Variants in CACNA1A observed in about 807,000 individuals in gnomAD.
The protein encoded by CACNA1A is calcium voltage-gated channel subunit alpha1 A, also known as voltage-dependent P/Q-type calcium channel subunit alpha-1A.
In CACNA1A, 57 loss-of-function variants were observed where a neutral mutation model predicts 262.4. That is an observed-to-expected ratio of 0.22 (90% CI 0.18 to 0.27). The LOEUF (loss-of-function observed/expected upper bound fraction) is 0.27. CACNA1A is among the 10% of genes least tolerant of loss of function. The pLI, the probability that CACNA1A is intolerant of heterozygous loss-of-function variation, is 1.00. For missense variants in CACNA1A, 2,526 were observed against 3,562.8 expected (o/e 0.71, Z 7.41); for synonymous variants, 1,431 against 1,419.3 (o/e 1.01, Z -0.18).
Position 13,312,709 on chromosome 19 carries a change from C to T in CACNA1A, c.1628G>A (p.Arg543Gln), listed in dbSNP as rs760366437. The T allele has an allele frequency of 7.5e-6, 12 of 1,594,432 alleles. No homozygotes were observed. Among genetic ancestry groups the T allele is most frequent in the South Asian group, 5.7e-5 (5 of 87,012 alleles). Residue 543 changes from arginine (R) to glutamine (Q), a missense_variant, in exon 12 of 47, where the codon CGG becomes CAG. Coordinates refer to ENST00000360228, the MANE Select transcript of CACNA1A (RefSeq NM_001127222.2). ...MFIKMYGLGT[R>Q]PYFHSSFNCF... ...GTTGAAGGAAGAGTGGAAGTAAGGC[C>T]GCGTCCCAAGCCCGTACATTTTTAT...
chr19:13,369,223 T>C (rs2059274958), intron 4 of CACNA1A, among the ~76,000 whole-genome samples: 1 of 152,068 alleles, frequency 6.6e-6, no homozygotes, highest in Non-Finnish European at 1.5e-5. Context: ...CTTAGTAGAA[T>C]TGCCCTTGGT....
In CACNA1A at chr19:13,347,937, T is replaced by C. The variant is rs998603220; in HGVS notation, c.978+11669A>G. On this transcript the variant is annotated intron_variant, in intron 6 of 46. Coordinates refer to ENST00000360228, the MANE Select transcript of CACNA1A (RefSeq NM_001127222.2). ...TTTATTTTTAATTATTAGGTTTTTTTTGAGACAGGGTCTGGTTCTGTCACC... is the reference window on the plus strand; with the variant it reads ...TTTATTTTTAATTATTAGGTTTTTTCTGAGACAGGGTCTGGTTCTGTCACC... Among the ~76,000 whole-genome samples, 4 of 152,090 alleles carry C rather than the reference T, an allele frequency of 2.6e-5. No individual in the cohort carries two copies. In the South Asian group the frequency reaches 8.3e-4, roughly 32 times the overall value.
chr19:13,240,669 CTGTG>C (rs1214936583), intron 31 of CACNA1A, among the ~76,000 whole-genome samples: 2 of 145,900 alleles, frequency 1.4e-5, no homozygotes, highest in Non-Finnish European at 3.0e-5. Flanking sequence ...TGGATAGTGA[CTGTG>C]TGTGCAGTGT....
intron 6 of CACNA1A, among the ~76,000 whole-genome samples, chr19:13,348,547 A>G (rs2058836767): frequency 6.6e-6 from 1 of 152,136 alleles, no homozygotes; most frequent in South Asian, 2.1e-4. Flanking sequence ...TGTTAAAAAT[A>G]CAAAAAATTG....
At chr19:13,441,692 C>T (rs988081148) in intron 3 of CACNA1A, among the ~76,000 whole-genome samples, 2 of 150,240 alleles carry the variant, frequency 1.3e-5, no homozygotes, top group African/African-American at 2.5e-5. Context: ...AAAAGAGTCT[C>T]GGTTTGTTGC....
At chr19:13,421,291 TTA>T (rs2060311370) in intron 3 of CACNA1A, among the ~76,000 whole-genome samples, 1 of 152,146 alleles carries the variant, frequency 6.6e-6, no homozygotes, top group African/African-American at 2.4e-5. Flanking sequence ...TTTGGGTCTC[TTA>T]GTATGGCAGC....
At chr19:13,354,020 C>T (rs1410198437) in intron 6 of CACNA1A, among the ~76,000 whole-genome samples, 1 of 152,162 alleles carries the variant, frequency 6.6e-6, no homozygotes, top group Non-Finnish European at 1.5e-5. Flanking sequence ...GTCTCTCCTA[C>T]CAGGGTGGAG....
At chr19:13,469,685 G>A (rs920826095) in intron 1 of CACNA1A, among the ~76,000 whole-genome samples, 120 of 147,408 alleles carry the variant, frequency 8.1e-4, no homozygotes, top group African/African-American at 2.8e-3. Context: ...GGTCTCGATC[G>A]CCTGACCTTG....
At chr19:13,455,584 A>G (rs2060991205) in intron 1 of CACNA1A, among the ~76,000 whole-genome samples, 1 of 152,216 alleles carries the variant, frequency 6.6e-6, no homozygotes, top group Admixed American at 6.5e-5. Flanking sequence ...TGAGATGACT[A>G]CATCATGTAT....
At chr19:13,388,886 A>G (rs2059665010) in intron 3 of CACNA1A, among the ~76,000 whole-genome samples, 1 of 152,000 alleles carries the variant, frequency 6.6e-6, no homozygotes, top group Non-Finnish European at 1.5e-5. Flanking sequence ...TTCACCCAGA[A>G]CCATATTTTT....
chr19:13,269,169 G>T (rs1464871673), intron 24 of CACNA1A, among the ~76,000 whole-genome samples: 1 of 152,064 alleles, frequency 6.6e-6, no homozygotes. Flanking sequence ...GCTTCTTTAC[G>T]GATGATTGAG....
At position 13,207,955 on chromosome 19, in the gene CACNA1A, G is replaced by C. The variant is rs969442705; in HGVS notation, c.6879C>G (p.Pro2293=). ...RRQLPQTPST[P]RPHVSYSPVI... ...CAGGGGAATAGGACACGTGTGGCCG[G>C]GGGGTGGAGGGGGTCTGGGGGAGCT... Residue 2293 remains proline (P), a synonymous_variant, in exon 47 of 47, where the codon CCC becomes CCG. Transcript: ENST00000360228. This position sits in a 1 kb window ranked among gnomAD's most constrained non-coding sequence, Gnocchi z 5.7. 1 of 1,363,784 alleles carries C rather than the reference G, an allele frequency of 7.3e-7. No homozygotes were observed. Among genetic ancestry groups the C allele is most frequent in the East Asian group, 3.0e-5 (1 of 33,012 alleles). 84.5% of individuals were successfully genotyped at this position (1,363,784 alleles called of 1,614,324 possible).
At chr19:13,477,595 T>A (rs551395430) in intron 1 of CACNA1A, among the ~76,000 whole-genome samples, 22 of 152,320 alleles carry the variant, frequency 1.4e-4, no homozygotes, top group Middle Eastern at 3.4e-3. Context: ...CGATCGTTCC[T>A]TATTATTATT....
chr19:13,285,042 C>G (rs1568493281), intron 21 of CACNA1A, 26 bp downstream of exon 21: 2 of 1,613,572 alleles, frequency 1.2e-6, no homozygotes, highest in Admixed American at 1.7e-5. Context: ...CAGGCCCCCC[C>G]TGCCCTTGCT....
chr19:13,360,265 G>GTATATATATATATATATATATATATA lies in CACNA1A; in HGVS notation c.785-467_785-466insTATATATATATATATATATATATATA, dbSNP rs34849471. 6.0e-3 allele frequency among the ~76,000 whole-genome samples: 745 copies of GTATATATATATATATATATATATATA among 123,944 alleles called. 9 individuals are homozygous for GTATATATATATATATATATATATATA. Among genetic ancestry groups the GTATATATATATATATATATATATATA allele is most frequent in the East Asian group, 0.02 (71 of 3,478 alleles). 81.3% of individuals were successfully genotyped at this position (123,944 alleles called of 152,430 possible). On this transcript the variant is annotated intron_variant, in intron 5 of 46. Coordinates refer to ENST00000360228, the MANE Select transcript of CACNA1A (RefSeq NM_001127222.2). ...ATTAGGTGTCTGTGTGTGTGTGTGTGTATATATATATATATATATATGAAG... is the reference window on the plus strand; with the variant it reads ...ATTAGGTGTCTGTGTGTGTGTGTGTGTATATATATATATATATATATATATATATATATATATATATATATATGAAG...
chr19:13,365,612 A>G (rs2059195994), intron 4 of CACNA1A, 143 bp from the exon 5 acceptor site: 2 of 622,538 alleles, frequency 3.2e-6, no homozygotes, highest in Middle Eastern at 4.4e-4. Context: ...GGATTGGGCA[A>G]TGGTGAAGGA....
chr19:13,367,651 C>A lies in CACNA1A; in HGVS notation c.632-2182G>T, dbSNP rs914466407. 3.3e-5 allele frequency among the ~76,000 whole-genome samples: 5 copies of A among 151,914 alleles called. No individual in the cohort carries two copies. In the East Asian group the frequency reaches 5.9e-4, roughly 18 times the overall value. ...GCTGAGGCAGGAGAATGGTGTGAAC[C>A]CGGGAGGTGGAGCTTGCAGTGAGCT... is the stretch of plus-strand genomic sequence containing the variant. On this transcript the variant is annotated intron_variant, in intron 4 of 46. Transcript: ENST00000360228.
At chr19:13,407,406 A>T (rs1270087924) in intron 3 of CACNA1A, among the ~76,000 whole-genome samples, 1 of 152,234 alleles carries the variant, frequency 6.6e-6, no homozygotes, top group Admixed American at 6.5e-5. Flanking sequence ...TATCTTGGAT[A>T]TAGAGATTCC....
rs570206810 is a variant in CACNA1A at position 13,439,253 on chromosome 19, C to A, written c.539+13623G>T. Among the ~76,000 whole-genome samples the A allele has an allele frequency of 3.6e-5, 5 of 138,498 alleles. No individual in the cohort carries two copies. In the South Asian group the frequency reaches 1.2e-3, roughly 33 times the overall value. 90.9% of individuals were successfully genotyped at this position (138,498 alleles called of 152,430 possible). A position where few individuals can be genotyped will look rare whatever the true frequency, so the allele number is the denominator to read the frequency against. On this transcript the variant is annotated intron_variant, in intron 3 of 46. Transcript: ENST00000360228. ...CCTCCCGAGTAGCTGGGACTACAGG[C>A]GCCCACCACCACGCTCAGCTAATTT...
Sources: allele counts gnomAD v4.1 joint callset (sites outside exome capture counted in the v4.1 genomes callset), GRCh38; gene constraint gnomAD v4.1.1; non-coding constraint Gnocchi (gnomAD v3.1); transcripts MANE v1.5; gene names NCBI Gene and HGNC (gene_info 2026-07-23, HGNC 2026-07-21).